Variants in BTBD10 observed in about 807,000 individuals in gnomAD.
The protein encoded by BTBD10 is BTB/POZ domain-containing protein 10.
In BTBD10, 21 loss-of-function variants were observed where a neutral mutation model predicts 53.2. The ratio of observed to expected loss-of-function variants is 0.39; its 90% CI spans 0.28 to 0.57. The LOEUF (loss-of-function observed/expected upper bound fraction) is 0.57, where lower values mean the gene tolerates loss of function less well. BTBD10 is among the 20% of genes least tolerant of loss of function. The probability of loss-of-function intolerance (pLI) is 0.53; values close to 1 mark genes in which losing one functional copy is unlikely to be tolerated. For missense variants in BTBD10, 360 were observed against 594.7 expected (o/e 0.61, Z 4.10); for synonymous variants, 149 against 192.7 (o/e 0.77, Z 1.88).
At chr11:13,398,873 CA>C (rs1366606394) in intron 8 of BTBD10, among the ~76,000 whole-genome samples, 1 of 152,202 alleles carries the variant, frequency 6.6e-6, no homozygotes, top group African/African-American at 2.4e-5. Flanking sequence ...TATTGGCCCC[CA>C]CTCTCTTCTG....
chr11:13,442,446 G>C (rs1201715758), intron 2 of BTBD10, among the ~76,000 whole-genome samples: 1 of 152,104 alleles, frequency 6.6e-6, no homozygotes, highest in Non-Finnish European at 1.5e-5. Flanking sequence ...GGATGGTCCT[G>C]GGCAAGTTTA....
chr11:13,406,560 T>TGAGAGAGAGA (rs72242186), intron 6 of BTBD10, among the ~76,000 whole-genome samples: 17 of 141,454 alleles, frequency 1.2e-4, no homozygotes, highest in African/African-American at 4.2e-4. Flanking sequence ...TACGCATGAG[T>TGAGAGAGAGA]GAGAGAGAGA....
intron 1 of BTBD10, among the ~76,000 whole-genome samples, chr11:13,446,147 G>GT (rs1252227058): frequency 2.6e-5 from 4 of 152,138 alleles, no homozygotes; most frequent in Non-Finnish European, 4.4e-5. Flanking sequence ...ACCAAATGAA[G>GT]TTAAACAATT....
rs181039460 is a variant in BTBD10, at chr11:13,433,390, G to C, written c.102-11552C>G. On this transcript the variant is annotated intron_variant, in intron 2 of 8. Transcript: ENST00000278174. ...CCACTGACAATACTCCTATCCATTT[G>C]AATTAGTCAGACCTCAATAAAGAAG... is the stretch of plus-strand genomic sequence containing the variant. Among the ~76,000 whole-genome samples the C allele has an allele frequency of 5.3e-3, 810 of 152,074 alleles. 5 individuals are homozygous for C. Among genetic ancestry groups the C allele is most frequent in the African/African-American group, 0.019 (788 of 41,428 alleles).
In BTBD10 at chr11:13,449,707, G is replaced by T. The variant is rs1473399783; in HGVS notation, c.-57-4526C>A. ...TGGAAAGTCCAAAAGCATGTCAGTA[G>T]CATGAGGCAAGGGCCTTCATGCTGT... On this transcript the variant is annotated intron_variant, in intron 1 of 8. Transcript: ENST00000278174. Among the ~76,000 whole-genome samples the T allele has an allele frequency of 3.3e-5, 5 of 152,162 alleles. No individual in the cohort carries two copies. The East Asian group carries it at 9.6e-4, about 29-fold the overall frequency.
intron 8 of BTBD10, among the ~76,000 whole-genome samples, chr11:13,394,110 G>A (rs192635896): frequency 5.9e-5 from 9 of 152,232 alleles, no homozygotes; most frequent in Admixed American, 6.5e-5. Flanking sequence ...AATGATTAGC[G>A]GGGAGCTGAA....
chr11:13,415,229 C>G (rs751869672), intron 5 of BTBD10, among the ~76,000 whole-genome samples: 20 of 151,230 alleles, frequency 1.3e-4, no homozygotes, highest in Non-Finnish European at 2.7e-4. Flanking sequence ...CTTCCCACCT[C>G]AGCCTCCCAA....
intron 2 of BTBD10, among the ~76,000 whole-genome samples, chr11:13,436,328 T>C (rs187926759): frequency 6.6e-6 from 1 of 152,332 alleles, no homozygotes; most frequent in East Asian, 1.9e-4. Flanking sequence ...GTAGAATGTT[T>C]AGCAGCATCC....
At chr11:13,404,590 C>T (rs1949778598) in intron 7 of BTBD10, 1 of 982,942 alleles carries the variant, frequency 1.0e-6, no homozygotes, top group African/African-American at 1.7e-5. Context: ...TTTCACTTTT[C>T]TTGGGTTTTG....
chr11:13,453,899 A>C lies in BTBD10; in HGVS notation c.-57-8718T>G, dbSNP rs145542884. Among the ~76,000 whole-genome samples, 818 of 152,236 alleles carry C rather than the reference A, an allele frequency of 5.4e-3. 13 individuals are homozygous for C. The highest frequency in any genetic ancestry group is 0.019 in the African/African-American group (780 of 41,534). On this transcript the variant is annotated intron_variant, in intron 1 of 8. Transcript: ENST00000278174. ...AAACCCCACTGGTACTAAAAATATA[A>C]AAATTAGCCAGGCGTGTTGGCGGGC... is the stretch of plus-strand genomic sequence containing the variant.
intron 2 of BTBD10, among the ~76,000 whole-genome samples, chr11:13,429,173 T>G (rs1256962719): frequency 1.3e-5 from 2 of 152,184 alleles, no homozygotes; most frequent in East Asian, 3.9e-4. Context: ...TAAGAAGACC[T>G]AAACAAATGG....
intron 7 of BTBD10, among the ~76,000 whole-genome samples, chr11:13,405,077 TAAG>T (rs1949790041): frequency 1.3e-5 from 2 of 151,950 alleles, no homozygotes; most frequent in Non-Finnish European, 2.9e-5. Context: ...AACAAAAAAA[TAAG>T]AAAAAATGTC....
intron 1 of BTBD10, among the ~76,000 whole-genome samples, chr11:13,445,389 G>C (rs1950733869): frequency 6.6e-6 from 1 of 152,054 alleles, no homozygotes; most frequent in Admixed American, 6.6e-5. Context: ...TATTAAATCT[G>C]CTACCACTAT....
At chr11:13,460,259 C>A (rs1453381042) in intron 1 of BTBD10, among the ~76,000 whole-genome samples, 1 of 152,188 alleles carries the variant, frequency 6.6e-6, no homozygotes, top group Admixed American at 6.5e-5. Flanking sequence ...AGGCAGACCT[C>A]TTTTTAAAAC....
chr11:13,434,555 G>A (rs146818652), intron 2 of BTBD10, among the ~76,000 whole-genome samples: 1 of 152,328 alleles, frequency 6.6e-6, no homozygotes, highest in African/African-American at 2.4e-5. Context: ...GGCAAGACTA[G>A]AACAAGATTA....
intron 2 of BTBD10, among the ~76,000 whole-genome samples, chr11:13,424,259 T>C (rs1011601449): frequency 6.6e-5 from 10 of 152,164 alleles, no homozygotes; most frequent in Admixed American, 5.9e-4. Flanking sequence ...AGCTAAATGT[T>C]CAGTTTGAGT....
intron 8 of BTBD10, among the ~76,000 whole-genome samples, chr11:13,400,553 C>T (rs987698633): frequency 6.7e-6 from 1 of 150,156 alleles, no homozygotes; most frequent in Non-Finnish European, 1.5e-5. Context: ...CACCCACTGT[C>T]CTGCACCCAC....
intron 2 of BTBD10, among the ~76,000 whole-genome samples, chr11:13,423,053 G>A (rs1591133089): frequency 6.6e-6 from 1 of 151,984 alleles, no homozygotes; most frequent in East Asian, 1.9e-4. Flanking sequence ...GGATTTCAAA[G>A]AAAAAAGACA....
rs201008550 is a variant in BTBD10 at position 13,456,671 on chromosome 11, C to A, written c.-58+6421G>T. Among the ~76,000 whole-genome samples, 4 of 152,326 alleles carry A rather than the reference C, an allele frequency of 2.6e-5. No homozygotes were observed. The South Asian group carries it at 8.3e-4, about 32-fold the overall frequency. ...AAAGAAGGAAAGAAAAAGACAATTT[C>A]TCTTCTCCAAAACAGACAATGCACA... On this transcript the variant is annotated intron_variant, in intron 1 of 8. Transcript: ENST00000278174.
Sources: allele counts gnomAD v4.1 joint callset (sites outside exome capture counted in the v4.1 genomes callset), GRCh38; gene constraint gnomAD v4.1.1; transcripts MANE v1.5; gene names NCBI Gene and HGNC (gene_info 2026-07-23, HGNC 2026-07-21).